TJP1: variants seen among roughly 807,000 people sequenced by gnomAD.
TJP1 encodes tight junction protein ZO-1.
In TJP1, 43 loss-of-function variants were observed where a neutral mutation model predicts 194.2. The ratio of observed to expected loss-of-function variants is 0.22; its 90% CI spans 0.17 to 0.29. The LOEUF is 0.29. TJP1 is among the 10% of genes least tolerant of loss of function. TJP1 has a pLI of 1.00. For missense variants in TJP1, 1,971 were observed against 2,185.7 expected (o/e 0.90, Z 1.96); for synonymous variants, 801 against 779.0 (o/e 1.03, Z -0.47).
intron 23 of TJP1, among the ~76,000 whole-genome samples, chr15:29,712,069 C>CTT: frequency 6.6e-6 from 1 of 152,182 alleles, no homozygotes; most frequent in African/African-American, 2.4e-5. Flanking sequence ...AAAATTCACA[C>CTT]AAATCTTTTT....
intron 1 of TJP1, among the ~76,000 whole-genome samples, chr15:29,805,359 G>A (rs761114871): frequency 7.9e-5 from 12 of 152,318 alleles, no homozygotes; most frequent in Non-Finnish European, 1.8e-4. Flanking sequence ...GGAAAGATAG[G>A]AGGGCACAAT....
At chr15:29,942,231 G>A (rs1186392334) in intron 2 of TJP1, among the ~76,000 whole-genome samples, 4 of 152,254 alleles carry the variant, frequency 2.6e-5, no homozygotes, top group African/African-American at 4.8e-5. Context: ...ATAAGCTCCC[G>A]AACTAGCAGT....
intron 2 of TJP1, among the ~76,000 whole-genome samples, chr15:29,775,230 A>G (rs1173050412): frequency 6.6e-6 from 1 of 152,038 alleles, no homozygotes; most frequent in Non-Finnish European, 1.5e-5. Context: ...TCATGACCCC[A>G]AAGTACAGTA....
intron 2 of TJP1, among the ~76,000 whole-genome samples, chr15:29,879,437 A>C (rs1002199205): frequency 6.6e-6 from 1 of 152,216 alleles, no homozygotes; most frequent in Non-Finnish European, 1.5e-5. Flanking sequence ...CCTGGAGCCA[A>C]GACCTGAGAG....
intron 2 of TJP1, among the ~76,000 whole-genome samples, chr15:29,901,704 C>A (rs1442715201): frequency 6.6e-6 from 1 of 151,972 alleles, no homozygotes; most frequent in East Asian, 1.9e-4. Flanking sequence ...GCCTGTAATC[C>A]CAGCTACTCA....
intron 1 of TJP1, among the ~76,000 whole-genome samples, chr15:29,957,868 G>GTCA (rs2056006673): frequency 1.3e-5 from 2 of 152,126 alleles, no homozygotes; most frequent in African/African-American, 4.8e-5. Context: ...TCCATCAACA[G>GTCA]TATATGAGAA....
At chr15:29,955,419 A>G (rs963290930) in intron 2 of TJP1, among the ~76,000 whole-genome samples, 1 of 152,172 alleles carries the variant, frequency 6.6e-6, no homozygotes, top group African/African-American at 2.4e-5. Context: ...TGAAAGTGCC[A>G]GTGTTCCTCC....
At chr15:29,804,147 C>T (rs1355750694) in intron 1 of TJP1, among the ~76,000 whole-genome samples, 1 of 152,094 alleles carries the variant, frequency 6.6e-6, no homozygotes, top group Non-Finnish European at 1.5e-5. Flanking sequence ...AAATTCTATC[C>T]ATGGTTGTTT....
At chr15:29,708,252 T>C (rs929094988) in intron 25 of TJP1, among the ~76,000 whole-genome samples, 6 of 149,308 alleles carry the variant, frequency 4.0e-5, no homozygotes, top group African/African-American at 7.4e-5. Context: ...AGCAGCTAAA[T>C]TGAGGCTCAC....
chr15:29,808,408 T>G (rs930250273), intron 1 of TJP1, among the ~76,000 whole-genome samples: 1 of 152,230 alleles, frequency 6.6e-6, no homozygotes, highest in Non-Finnish European at 1.5e-5. Context: ...TTCCTTGATC[T>G]GAGTTGTGGG....
intron 4 of TJP1, among the ~76,000 whole-genome samples, chr15:29,767,414 C>T (rs1285404005): frequency 1.3e-5 from 2 of 152,140 alleles, no homozygotes. Flanking sequence ...ATTTCCAATT[C>T]CTTCATCTTA....
intron 8 of TJP1, among the ~76,000 whole-genome samples, chr15:29,747,549 A>T (rs1480380406): frequency 1.3e-5 from 2 of 152,172 alleles, no homozygotes; most frequent in African/African-American, 4.8e-5. Flanking sequence ...TAAAATGAGT[A>T]TTTTTAAAGA....
At chr15:29,866,503 A>T (rs1000006477) in intron 2 of TJP1, among the ~76,000 whole-genome samples, 7 of 152,210 alleles carry the variant, frequency 4.6e-5, no homozygotes, top group African/African-American at 1.7e-4. Flanking sequence ...TCACTGGAAA[A>T]CAAATAGGCA....
intron 2 of TJP1, among the ~76,000 whole-genome samples, chr15:29,935,168 G>A (rs1160067764): frequency 3.3e-5 from 5 of 152,134 alleles, no homozygotes; most frequent in African/African-American, 1.2e-4. Flanking sequence ...AGATCTCCTA[G>A]GTCATTTGAA....
intron 2 of TJP1, among the ~76,000 whole-genome samples, chr15:29,796,900 A>C (rs1412900239): frequency 6.6e-6 from 1 of 152,168 alleles, no homozygotes; most frequent in East Asian, 1.9e-4. Flanking sequence ...AAAGGCAATT[A>C]AACGGACAAA....
At chr15:29,876,520 C>CA (rs11396162) in intron 2 of TJP1, among the ~76,000 whole-genome samples, 20,031 of 136,400 alleles carry the variant, frequency 0.15, 1,645 homozygotes, top group African/African-American at 0.25. Context: ...GACTCTGTCT[C>CA]AAAAAAAAAA....
At chr15:29,940,086 G>C (rs62014516) in intron 2 of TJP1, among the ~76,000 whole-genome samples, 44,647 of 152,058 alleles carry the variant, frequency 0.29, 8,116 homozygotes, top group Non-Finnish European at 0.41. Flanking sequence ...GATATTCTGG[G>C]GGAAGACTGG....
chr15:29,949,497 C>T (rs1480325380), intron 2 of TJP1, among the ~76,000 whole-genome samples: 7 of 141,552 alleles, frequency 4.9e-5, no homozygotes, highest in African/African-American at 7.9e-5. Flanking sequence ...ACCTCCACCT[C>T]CACAACCACC....
intron 2 of TJP1, among the ~76,000 whole-genome samples, chr15:29,935,894 G>A (rs1481805641): frequency 2.0e-5 from 3 of 152,060 alleles, no homozygotes; most frequent in African/African-American, 4.8e-5. Context: ...GATGTGCTTT[G>A]CTGGAGAGAG....
Sources: allele counts gnomAD v4.1 joint callset (sites outside exome capture counted in the v4.1 genomes callset), GRCh38; gene constraint gnomAD v4.1.1; transcripts MANE v1.5; gene names NCBI Gene and HGNC (gene_info 2026-07-23, HGNC 2026-07-21).